ERAP1: variants seen among roughly 807,000 people sequenced by gnomAD.
The protein encoded by ERAP1 is adipocyte-derived leucine aminopeptidase.
Under a neutral mutation model 103.7 loss-of-function variants are expected in ERAP1, and 86 were observed. The observed-to-expected ratio is 0.83, with a 90% CI of 0.70 to 0.99. ERAP1 has a LOEUF of 0.99. Ranked by LOEUF, ERAP1 falls within the 50% of genes least tolerant of loss-of-function variation. ERAP1 has a pLI of 0.00. For missense variants in ERAP1, 1,009 were observed against 1,128.4 expected, an observed-to-expected ratio of 0.89 and a Z score of 1.52; for synonymous variants, 398 against 402.4, an observed-to-expected ratio of 0.99 and a Z score of 0.13.
chr5:96,800,797 G>C, intron 3 of ERAP1, 65 bp downstream of exon 3: 9 of 1,546,052 alleles, frequency 5.8e-6, no homozygotes, highest in Non-Finnish European at 7.2e-6. Context: ...CTGTCACTGG[G>C]CTAGTGCAAG....
the ERAP1 span, among the ~76,000 whole-genome samples, chr5:96,815,198 T>C: frequency 2.6e-5 from 4 of 152,208 alleles, no homozygotes; most frequent in African/African-American, 9.7e-5. Context: ...TTGTGTTAGA[T>C]TTGTTTTTTC....
At chr5:96,897,323 A>G in the ERAP1 span, among the ~76,000 whole-genome samples, 2 of 152,190 alleles carry the variant, frequency 1.3e-5, no homozygotes, top group African/African-American at 4.8e-5. Context: ...ACTAGCTGAA[A>G]TGCCCTTTCT....
chr5:96,780,916 C>T (rs1468138740), intron 17 of ERAP1, 142 bp downstream of exon 17: 1 of 949,594 alleles, frequency 1.1e-6, no homozygotes, highest in Non-Finnish European at 1.6e-6. Context: ...ATGTTTTCTA[C>T]AAATATTTTA....
At chr5:96,766,100 C>T in intron 19 of ERAP1, 1 of 1,611,454 alleles carries the variant, frequency 6.2e-7, no homozygotes, top group South Asian at 1.1e-5. Flanking sequence ...AAAGAGATGA[C>T]ACTATCCCAC....
chr5:96,819,051 G>A, the ERAP1 span, among the ~76,000 whole-genome samples: 100,134 of 151,592 alleles, frequency 0.66, 33,550 homozygotes, highest in Non-Finnish European at 0.72. Flanking sequence ...TCAGCCTCCC[G>A]AGTAGCTGGG....
At chr5:96,921,365 A>G in the ERAP1 span, among the ~76,000 whole-genome samples, 4,921 of 152,344 alleles carry the variant, frequency 0.032, 154 homozygotes, top group South Asian at 0.089. Context: ...CTATTCTAGC[A>G]TATTCCCAGA....
the ERAP1 span, among the ~76,000 whole-genome samples, chr5:96,889,989 A>G: frequency 6.6e-6 from 1 of 152,176 alleles, no homozygotes; most frequent in South Asian, 2.1e-4. Context: ...CTATGCTTCC[A>G]TCCGTTATCT....
Position 96,785,864 on chromosome 5 carries a change from G to A in ERAP1, c.1867C>T (p.Leu623Phe), listed in dbSNP as rs1190174398. The part of the protein sequence containing the change: ...EDDGWDSLTG[L>F]LKGTHTAVSS... ...ACTGCTGTGTGTGTTCCTTTTAAAA[G>A]GCCAGTCAAAGAGTCCCATCCATCA... The change falls in exon 13 of 19, where the codon CTT (leucine) becomes TTT (phenylalanine). Residue 623 changes from leucine (L) to phenylalanine (F), a missense_variant. Transcript: ENST00000443439. The A allele has an allele frequency of 6.2e-7, 1 of 1,613,972 alleles. No individual in the cohort carries two copies. Among genetic ancestry groups the A allele is most frequent in the African/African-American group, 1.3e-5 (1 of 74,888 alleles).
chr5:96,841,059 G>A, the ERAP1 span, among the ~76,000 whole-genome samples: 2 of 152,320 alleles, frequency 1.3e-5, no homozygotes, highest in East Asian at 3.9e-4. Flanking sequence ...CGTCAGTCAT[G>A]ACCACTGGGG....
At chr5:96,811,374 G>A (rs945460671), upstream of ERAP1, among the ~76,000 whole-genome samples, 1 of 152,186 alleles carries the variant, frequency 6.6e-6, no homozygotes, top group Non-Finnish European at 1.5e-5. Context: ...TCCTCACATT[G>A]TACTTATGCA....
chr5:96,906,610 C>T, the ERAP1 span, among the ~76,000 whole-genome samples: 83 of 152,226 alleles, frequency 5.5e-4, no homozygotes, highest in Admixed American at 4.6e-3. Context: ...TATTTTAGTT[C>T]GGTTTTCATA....
intron 18 of ERAP1, among the ~76,000 whole-genome samples, chr5:96,777,317 G>A (rs191897963): frequency 6.6e-6 from 1 of 152,242 alleles, no homozygotes; most frequent in East Asian, 1.9e-4. Flanking sequence ...AATTTTCACA[G>A]CATTAATCCA....
the ERAP1 span, chr5:96,900,130 G>C: frequency 1.2e-5 from 19 of 1,613,726 alleles, no homozygotes; most frequent in Non-Finnish European, 1.6e-5. Flanking sequence ...GAGTTGTTTA[G>C]AAAGTGATTT....
chr5:96,809,070 G>A (rs62376389), upstream of ERAP1, among the ~76,000 whole-genome samples: 10,189 of 152,280 alleles, frequency 0.067, 416 homozygotes, highest in Middle Eastern at 0.15. Context: ...ACCATATAGG[G>A]TAGCTTCCCG....
At chr5:96,909,886 T>A in the ERAP1 span, 1 of 945,880 alleles carries the variant, frequency 1.1e-6, no homozygotes, top group Non-Finnish European at 1.6e-6. Flanking sequence ...TGCTGGGCAT[T>A]ACAAACCCTG....
Position 96,774,799 on chromosome 5 carries a change from A to G in ERAP1, c.*1597T>C, listed in dbSNP as rs1035782825. ...ACAACAAATAAGTATAAAAATTCCA[A>G]TTCCACTTTTATACCTATTTATTTG... On this transcript the variant is annotated 3_prime_UTR_variant, in exon 19 of 19. Transcript: ENST00000443439. 13 of 984,472 alleles carry G rather than the reference A, an allele frequency of 1.3e-5. No homozygotes were observed. Among genetic ancestry groups the G allele is most frequent in the East Asian group, 1.1e-4 (1 of 8,960 alleles). 61.0% of individuals were successfully genotyped at this position (984,472 alleles called of 1,614,324 possible). A position where few individuals can be genotyped will look rare whatever the true frequency, so the allele number is the denominator to read the frequency against.
chr5:96,815,169 C>T, the ERAP1 span, among the ~76,000 whole-genome samples: 1 of 152,150 alleles, frequency 6.6e-6, no homozygotes, highest in African/African-American at 2.4e-5. Context: ...GAATTCTGGG[C>T]TTTTCTGTTT....
the ERAP1 span, among the ~76,000 whole-genome samples, chr5:96,886,441 AG>A: frequency 6.6e-6 from 1 of 152,258 alleles, no homozygotes; most frequent in African/African-American, 2.4e-5. Context: ...GGATCTCAAA[AG>A]CAGGGCTTTT....
the ERAP1 span, among the ~76,000 whole-genome samples, chr5:96,831,529 G>A: frequency 6.6e-5 from 10 of 152,122 alleles, no homozygotes; most frequent in Non-Finnish European, 7.4e-5. Flanking sequence ...GAAAGAGCAC[G>A]TTCCTTTAAT....
Sources: gnomAD v4.1 joint callset for allele counts (sites outside exome capture counted in the v4.1 genomes callset) on GRCh38, gnomAD v4.1.1 for gene constraint, MANE v1.5 for transcripts, NCBI Gene and HGNC (gene_info 2026-07-23, HGNC 2026-07-21) for gene names.